ZNF568: variants seen among roughly 807,000 people sequenced by gnomAD.
ZNF568 encodes zinc finger protein 568, also known as p53 inhibitor of SCO2 activation.
A neutral mutation model predicts 18.1 loss-of-function variants in ZNF568; 11 were observed. The observed-to-expected ratio is 0.61, with a 90% CI of 0.38 to 1.00. The LOEUF is 1.00. Ranked by LOEUF, ZNF568 falls within the 50% of genes least tolerant of loss-of-function variation. The probability of loss-of-function intolerance (pLI) is 0.01; values close to 1 mark genes in which losing one functional copy is unlikely to be tolerated. For synonymous variants in ZNF568, 213 were observed against 246.6 expected (o/e 0.86, Z 1.28); for missense variants, 639 against 768.2 (o/e 0.83, Z 1.99).
At chr19:36,994,409 G>A (rs1199146133) in intron 4 of ZNF568, among the ~76,000 whole-genome samples, 2 of 152,096 alleles carry the variant, frequency 1.3e-5, no homozygotes, top group African/African-American at 4.8e-5. Context: ...TTCTACAAAT[G>A]TTTTCTTAGG....
chr19:36,990,031 G>A (rs922524353), intron 2 of ZNF568, among the ~76,000 whole-genome samples: 1 of 152,180 alleles, frequency 6.6e-6, no homozygotes, highest in African/African-American at 2.4e-5. Flanking sequence ...AATTGATGTT[G>A]ATTTATTGTG....
chr19:36,990,567 A>G (rs1401852255), intron 2 of ZNF568, among the ~76,000 whole-genome samples: 1 of 152,230 alleles, frequency 6.6e-6, no homozygotes, highest in Non-Finnish European at 1.5e-5. Flanking sequence ...GTGAGCGGAG[A>G]TGGTGCCACT....
chr19:36,974,213 G>A lies in ZNF568; in HGVS notation c.359-207G>A, dbSNP rs372430081. ...AGTTAGGCTGTTATGGAGGAAGAGGGCTACGGTCTGGGGGGCTCTCCCAGG... is the reference window on the plus strand; with the variant it reads ...AGTTAGGCTGTTATGGAGGAAGAGGACTACGGTCTGGGGGGCTCTCCCAGG... On this transcript the variant is annotated intron_variant, in intron 6 of 7. Transcript: ENST00000427117. Among the ~76,000 whole-genome samples, 162 of 152,280 alleles carry A rather than the reference G, an allele frequency of 1.1e-3. 3 individuals carry two copies. The highest frequency in any genetic ancestry group is 3.4e-3 in the Middle Eastern group (1 of 294).
chr19:36,951,108 A>G lies in ZNF568; in HGVS notation c.*20A>G. The G allele has an allele frequency of 1.3e-6, 2 of 1,490,306 alleles. No homozygotes were observed. The highest frequency in any genetic ancestry group is 3.0e-5 in the South Asian group (2 of 67,000). 92.3% of individuals were successfully genotyped at this position (1,490,306 alleles called of 1,614,324 possible). The stretch of plus-strand genomic sequence containing the variant: ...TATTAAATGAAAGAAGGCCTCTTAA[A>G]TTCAACCCATGTTTTACTTAAAATA... On this transcript the variant is annotated 3_prime_UTR_variant, in exon 7 of 7. Coordinates refer to ENST00000333987, the MANE Select transcript of ZNF568 (RefSeq NM_198539.4).
intron 6 of ZNF568, among the ~76,000 whole-genome samples, chr19:36,972,172 GTTTA>G (rs563851407): frequency 1.1e-3 from 168 of 151,950 alleles, no homozygotes; most frequent in African/African-American, 3.9e-3. Flanking sequence ...TAAAAAATTG[GTTTA>G]TTTTAGTAGC....
At chr19:36,923,317 C>T (rs1033940991) in intron 3 of ZNF568, among the ~76,000 whole-genome samples, 3 of 152,064 alleles carry the variant, frequency 2.0e-5, no homozygotes, top group Admixed American at 6.6e-5. Context: ...GTTTCATCTC[C>T]ACCCCAACAC....
chr19:36,936,378 C>T lies in ZNF568; in HGVS notation c.136-368C>T, dbSNP rs2073790224. Among the ~76,000 whole-genome samples, 3 of 152,012 alleles carry T rather than the reference C, an allele frequency of 2.0e-5. No individual in the cohort carries two copies. The South Asian group carries it at 6.2e-4, about 32-fold the overall frequency. ...ATGTTTATTATATTAACCTTATTTA[C>T]CATTTGTTTGTGTTGATTCAAGTTC... On this transcript the variant is annotated intron_variant, in intron 4 of 6. Transcript: ENST00000333987.
intron 6 of ZNF568, among the ~76,000 whole-genome samples, chr19:36,946,472 T>C (rs2073966197): frequency 6.6e-6 from 1 of 152,092 alleles, no homozygotes; most frequent in Admixed American, 6.5e-5. Context: ...CTATTTTCTA[T>C]GTATTATTAA....
chr19:36,946,024 G>A (rs1371585650), intron 6 of ZNF568, among the ~76,000 whole-genome samples: 1 of 151,970 alleles, frequency 6.6e-6, no homozygotes, highest in Non-Finnish European at 1.5e-5. Context: ...GAACCCGGGA[G>A]GCGGAGGTTG....
At chr19:36,968,112 A>G (rs2074207526) in intron 6 of ZNF568, among the ~76,000 whole-genome samples, 1 of 152,188 alleles carries the variant, frequency 6.6e-6, no homozygotes, top group African/African-American at 2.4e-5. Context: ...CTGAAGAATA[A>G]TATGTATATA....
chr19:36,987,329 C>A (rs534660805), intron 2 of ZNF568, among the ~76,000 whole-genome samples: 4 of 152,138 alleles, frequency 2.6e-5, no homozygotes, highest in Non-Finnish European at 5.9e-5. Flanking sequence ...CTGCTGAGAG[C>A]CTGCTGATCC....
At chr19:36,924,697 G>A (rs997795780) in intron 3 of ZNF568, among the ~76,000 whole-genome samples, 1 of 151,126 alleles carries the variant, frequency 6.6e-6, no homozygotes, top group Non-Finnish European at 1.5e-5. Flanking sequence ...CAGGCATGGT[G>A]GTGGATGCCT....
At chr19:36,943,126 T>G (rs2073910972) in intron 6 of ZNF568, among the ~76,000 whole-genome samples, 1 of 152,246 alleles carries the variant, frequency 6.6e-6, no homozygotes, top group Non-Finnish European at 1.5e-5. Context: ...GATTCAAATC[T>G]TTGGCAAGTA....
chr19:36,975,201 G>A (rs548611816), intron 7 of ZNF568, among the ~76,000 whole-genome samples: 21 of 148,936 alleles, frequency 1.4e-4, no homozygotes, highest in Non-Finnish European at 3.0e-4. Context: ...AGGCTGGAGT[G>A]CAATGGCACA....
At chr19:36,962,050 C>A (rs941779118) in intron 6 of ZNF568, among the ~76,000 whole-genome samples, 6 of 151,086 alleles carry the variant, frequency 4.0e-5, no homozygotes, top group Non-Finnish European at 7.4e-5. Flanking sequence ...TAATGATCTT[C>A]CCCTCTCTGG....
chr19:36,960,559 C>A (rs894307930), intron 6 of ZNF568, among the ~76,000 whole-genome samples: 3 of 151,752 alleles, frequency 2.0e-5, no homozygotes, highest in Non-Finnish European at 2.9e-5. Context: ...CATGGTGGCT[C>A]ACCATGTAAA....
At chr19:36,936,220 G>GCT (rs2073787302) in intron 4 of ZNF568, among the ~76,000 whole-genome samples, 1 of 151,976 alleles carries the variant, frequency 6.6e-6, no homozygotes, top group Non-Finnish European at 1.5e-5. Flanking sequence ...GTCTTATGTA[G>GCT]CTCTATTCCC....
chr19:36,937,404 TTA>T (rs1368534435), intron 6 of ZNF568, among the ~76,000 whole-genome samples, 162 bp downstream of exon 6: 1 of 152,220 alleles, frequency 6.6e-6, no homozygotes, highest in Non-Finnish European at 1.5e-5. Context: ...TTTCTAGGTA[TTA>T]TTCTTCCTAT....
At chr19:36,968,793 G>A (rs2074214256) in intron 6 of ZNF568, among the ~76,000 whole-genome samples, 1 of 150,126 alleles carries the variant, frequency 6.7e-6, no homozygotes, top group South Asian at 2.1e-4. Context: ...GGTAGAGAGA[G>A]AATCAAAAGT....
Sources: gnomAD v4.1 joint callset for allele counts (sites outside exome capture counted in the v4.1 genomes callset) on GRCh38, gnomAD v4.1.1 for gene constraint, MANE v1.5 for transcripts, NCBI Gene and HGNC (gene_info 2026-07-23, HGNC 2026-07-21) for gene names.